Variants in SEMA3C observed in about 807,000 individuals in gnomAD.
SEMA3C encodes semaphorin 3C, also known as semaphorin-3C.
A neutral mutation model predicts 89.4 loss-of-function variants in SEMA3C; 47 were observed. The ratio of observed to expected loss-of-function variants is 0.53; its 90% CI spans 0.42 to 0.67. The LOEUF (loss-of-function observed/expected upper bound fraction) is 0.67, where lower values mean the gene tolerates loss of function less well. SEMA3C is among the 30% of genes least tolerant of loss of function. SEMA3C has a pLI of 0.00. For synonymous variants in SEMA3C, 310 were observed against 320.2 expected (o/e 0.97, Z 0.34); for missense variants, 839 against 929.1 (o/e 0.90, Z 1.26).
chr7:80,774,190 G>A (rs1427354379), intron 12 of SEMA3C, among the ~76,000 whole-genome samples: 3 of 152,132 alleles, frequency 2.0e-5, no homozygotes, highest in Non-Finnish European at 4.4e-5. Flanking sequence ...CAAGTGCAAA[G>A]TGATCAGCTA....
intron 2 of SEMA3C, among the ~76,000 whole-genome samples, chr7:80,907,620 T>C (rs1452887444): frequency 6.6e-6 from 1 of 152,046 alleles, no homozygotes; most frequent in Non-Finnish European, 1.5e-5. Flanking sequence ...TCCTATATAA[T>C]GGCAATGAGA....
At chr7:80,893,668 G>A (rs60939301) in intron 2 of SEMA3C, among the ~76,000 whole-genome samples, 1 of 151,982 alleles carries the variant, frequency 6.6e-6, no homozygotes, top group African/African-American at 2.4e-5. Context: ...AAATATATTG[G>A]AAGGCTTGGG....
intron 15 of SEMA3C, among the ~76,000 whole-genome samples, chr7:80,755,434 T>C (rs1788043406): frequency 6.6e-6 from 1 of 150,440 alleles, no homozygotes; most frequent in African/African-American, 2.5e-5. Flanking sequence ...AGAAATATTA[T>C]TTGTTATACA....
At chr7:80,781,180 C>A (rs1056972528) in intron 12 of SEMA3C, among the ~76,000 whole-genome samples, 3 of 152,154 alleles carry the variant, frequency 2.0e-5, no homozygotes, top group Admixed American at 2.0e-4. Context: ...TTAGACTGGG[C>A]ACACCCAAGC....
intron 6 of SEMA3C, among the ~76,000 whole-genome samples, chr7:80,809,570 T>C (rs368917190): frequency 6.6e-6 from 1 of 152,192 alleles, no homozygotes; most frequent in East Asian, 1.9e-4. Flanking sequence ...CTTCTCCATA[T>C]CCTTCCCAAT....
chr7:80,899,420 T>C (rs1791821192), intron 2 of SEMA3C, among the ~76,000 whole-genome samples: 1 of 152,238 alleles, frequency 6.6e-6, no homozygotes, highest in Non-Finnish European at 1.5e-5. Context: ...TTTAAAATGA[T>C]ATGACATATT....
At chr7:80,833,001 C>A (rs186031000) in intron 2 of SEMA3C, among the ~76,000 whole-genome samples, 1 of 151,992 alleles carries the variant, frequency 6.6e-6, no homozygotes. Flanking sequence ...TTATTTTTTT[C>A]TTTTCCCTTT....
intron 2 of SEMA3C, among the ~76,000 whole-genome samples, chr7:80,838,060 A>G (rs190218367): frequency 1.3e-5 from 2 of 152,302 alleles, no homozygotes; most frequent in East Asian, 1.9e-4. Context: ...ATATGAGCAT[A>G]AACCAATCAA....
In SEMA3C at chr7:80,743,712, A is replaced by G. The variant is rs1245434596; in HGVS notation, c.*1182T>C. On this transcript the variant is annotated 3_prime_UTR_variant, in exon 18 of 18. Transcript: ENST00000265361. ...TATTTTATTCATCACAAAATTTACT[A>G]CTTTTACACTTAGAGACCAGTGAAC... 6.6e-6 allele frequency: 1 copy of G among 151,968 alleles called. No homozygotes were observed. Among genetic ancestry groups the G allele is most frequent in the Non-Finnish European group, 1.5e-5 (1 of 67,856 alleles). The allele number at this position is 151,968 out of a possible 1,614,324, so 9.4% of individuals were successfully genotyped here.
intron 11 of SEMA3C, chr7:80,796,549 A>G (rs187008458): frequency 3.9e-5 from 6 of 152,230 alleles, no homozygotes; most frequent in Admixed American, 1.3e-4. Context: ...GGATTCCCCA[A>G]TCTTAAAACG....
chr7:80,813,973 G>A (rs1004688690), intron 5 of SEMA3C, among the ~76,000 whole-genome samples: 1 of 151,838 alleles, frequency 6.6e-6, no homozygotes, highest in African/African-American at 2.4e-5. Context: ...ATTCTCAATG[G>A]CGCTTGGAAT....
intron 12 of SEMA3C, among the ~76,000 whole-genome samples, chr7:80,768,468 C>A (rs1383420397): frequency 6.6e-6 from 1 of 150,840 alleles, no homozygotes; most frequent in Non-Finnish European, 1.5e-5. Flanking sequence ...GAGCCAAGAT[C>A]GCGCCACTGC....
chr7:80,841,105 G>A (rs1321546205), intron 2 of SEMA3C, among the ~76,000 whole-genome samples: 1 of 152,072 alleles, frequency 6.6e-6, no homozygotes, highest in East Asian at 1.9e-4. Context: ...TTTCTTGACT[G>A]TCAAACCATA....
At chr7:80,805,869 G>A in intron 6 of SEMA3C, 111 bp from the exon 7 acceptor site, 2 of 597,462 alleles carry the variant, frequency 3.3e-6, no homozygotes, top group Non-Finnish European at 5.3e-6. Context: ...TATGATAATT[G>A]GTTATAACAA....
chr7:80,794,983 A>G (rs953611568), intron 11 of SEMA3C, among the ~76,000 whole-genome samples: 3 of 152,198 alleles, frequency 2.0e-5, no homozygotes, highest in African/African-American at 7.2e-5. Flanking sequence ...GAACGAGGGT[A>G]TGAGATTTCT....
At chr7:80,798,914 C>T (rs1241027754) in intron 10 of SEMA3C, among the ~76,000 whole-genome samples, 1 of 152,040 alleles carries the variant, frequency 6.6e-6, no homozygotes, top group Non-Finnish European at 1.5e-5. Flanking sequence ...ATATTTATTT[C>T]AAATTAGACG....
At chr7:80,863,830 G>GCACATATCACATACATA (rs1790843389) in intron 2 of SEMA3C, among the ~76,000 whole-genome samples, 1 of 102,846 alleles carries the variant, frequency 9.7e-6, no homozygotes. Flanking sequence ...TATGTGATAT[G>GCACATATCACATACATA]TGATATATAT....
intron 2 of SEMA3C, among the ~76,000 whole-genome samples, chr7:80,835,108 A>G (rs1261544301): frequency 2.0e-5 from 3 of 152,150 alleles, no homozygotes; most frequent in African/African-American, 7.2e-5. Flanking sequence ...AAAAATAGGT[A>G]AAAGACTCCT....
chr7:80,881,557 G>T (rs1583974902), intron 2 of SEMA3C, among the ~76,000 whole-genome samples: 1 of 152,158 alleles, frequency 6.6e-6, no homozygotes, highest in East Asian at 1.9e-4. Context: ...ATGTGTAAGT[G>T]ATTAGGAAAC....
Sources: gnomAD v4.1 joint callset for allele counts (sites outside exome capture counted in the v4.1 genomes callset) on GRCh38, gnomAD v4.1.1 for gene constraint, MANE v1.5 for transcripts, NCBI Gene and HGNC (gene_info 2026-07-23, HGNC 2026-07-21) for gene names.